Variants in PCDHA6 observed in about 807,000 individuals in gnomAD.
PCDHA6 encodes protocadherin alpha-6.
PCDHA6 carries 55 observed loss-of-function variants against 60.3 expected under a neutral mutation model. The ratio of observed to expected loss-of-function variants is 0.91; its 90% CI spans 0.73 to 1.14. The LOEUF is 1.14. PCDHA6 is among the 50% of genes most tolerant of loss of function. The pLI, the probability that PCDHA6 is intolerant of heterozygous loss-of-function variation, is 0.00. For synonymous variants in PCDHA6, 652 were observed against 557.9 expected, an observed-to-expected ratio of 1.17 and a Z score of -2.38; for missense variants, 1,327 against 1,256.5, an observed-to-expected ratio of 1.06 and a Z score of -0.85.
chr5:140,875,452 C>CA, intron 1 of PCDHA6: 1 of 1,592,570 alleles, frequency 6.3e-7, no homozygotes, highest in Non-Finnish European at 8.6e-7. Context: ...TGTCCCAACT[C>CA]AGAGGCCCTC....
chr5:140,840,692 G>C lies in PCDHA6; in HGVS notation c.2394+10207G>C, dbSNP rs181650579. 2.7e-4 allele frequency among the ~76,000 whole-genome samples: 41 copies of C among 152,042 alleles called. No homozygotes were observed. The East Asian group carries it at 2.9e-3, about 11-fold the overall frequency. On this transcript the variant is annotated intron_variant, in intron 1 of 3. Transcript: ENST00000529310. ...TTTTTATTACTTTAGTAAATAAAAC[G>C]GTTCAGGCAATTTGACATTTATTGA...
At chr5:140,909,951 G>A (rs560555991) in intron 1 of PCDHA6, among the ~76,000 whole-genome samples, 401 of 152,302 alleles carry the variant, frequency 2.6e-3, no homozygotes, top group African/African-American at 8.3e-3. Context: ...GTAAAAAGCC[G>A]TAGGTCTCCA....
chr5:140,870,955 C>T, intron 1 of PCDHA6: 1 of 1,613,632 alleles, frequency 6.2e-7, no homozygotes, highest in Non-Finnish European at 8.5e-7. Context: ...GGGCGGCTCG[C>T]GCATCCCGTT....
rs2150240828 is a variant in PCDHA6 at position 140,835,651 on chromosome 5, T to C, written c.2394+5166T>C. The C allele has an allele frequency of 5.0e-6, 8 of 1,613,900 alleles. No individual in the cohort carries two copies. The Admixed American group carries it at 6.7e-5, about 13-fold the overall frequency. On this transcript the variant is annotated intron_variant, in intron 1 of 3. Transcript: ENST00000529310. ...CGCGAGAGTGTGTCCGCCTATGAGC[T>C]GGTGGTTACCGCGCGGGACGGGGGC...
Position 140,927,102 on chromosome 5 carries a change from A to G in PCDHA6, c.2395-51847A>G, listed in dbSNP as rs144696843. 1.4e-5 allele frequency: 23 copies of G among 1,613,520 alleles called. No individual in the cohort carries two copies. In the African/African-American group the frequency reaches 1.7e-4, roughly 12 times the overall value. ...GCGAGCTCTACTTCGGGGTGGATCTACCCAGCGGCAATTTGGTGGTCAGAG... is the reference window on the plus strand; with the variant it reads ...GCGAGCTCTACTTCGGGGTGGATCTGCCCAGCGGCAATTTGGTGGTCAGAG... On this transcript the variant is annotated intron_variant, in intron 1 of 3. Transcript: ENST00000529310.
At chr5:140,883,971 C>G in intron 1 of PCDHA6, 1 of 1,613,030 alleles carries the variant, frequency 6.2e-7, no homozygotes. Context: ...CTGCTGACGC[C>G]CGGGGCTGGC....
At chr5:140,998,136 C>T (rs2153950850) in intron 3 of PCDHA6, among the ~76,000 whole-genome samples, 1 of 152,308 alleles carries the variant, frequency 6.6e-6, no homozygotes, top group South Asian at 2.1e-4. Context: ...TAATAGCTAA[C>T]CTGTACTGAA....
chr5:140,992,342 T>C (rs2097506091), intron 3 of PCDHA6, among the ~76,000 whole-genome samples: 1 of 152,102 alleles, frequency 6.6e-6, no homozygotes. Flanking sequence ...AAGATGGAAA[T>C]GTGGAGAGAG....
chr5:140,838,077 AGTGTGTGT>A (rs2150283763), intron 1 of PCDHA6, among the ~76,000 whole-genome samples: 8,999 of 80,104 alleles, frequency 0.11, 350 homozygotes, highest in Admixed American at 0.12. Context: ...ATATATATAT[AGTGTGTGT>A]GTGTGTGTGT....
At position 140,870,533 on chromosome 5, in the gene PCDHA6, C is replaced by A. The variant is rs1185177447; in HGVS notation, c.2394+40048C>A. The A allele has an allele frequency of 1.9e-6, 3 of 1,614,050 alleles. No individual in the cohort carries two copies. The African/African-American group carries it at 4.0e-5, about 22-fold the overall frequency. ...CCAGGCTGCCACATCTTCACAGTGTCGGCGCGGGACGCGGACGCGCAGGAG... is the reference window on the plus strand; with the variant it reads ...CCAGGCTGCCACATCTTCACAGTGTAGGCGCGGGACGCGGACGCGCAGGAG... On this transcript the variant is annotated intron_variant, in intron 1 of 3. Transcript: ENST00000529310.
At chr5:140,968,673 A>G in intron 1 of PCDHA6, 2 of 1,614,168 alleles carry the variant, frequency 1.2e-6, no homozygotes, top group Non-Finnish European at 1.7e-6. Context: ...TTTAAGGTAG[A>G]GCTGCACACA....
chr5:140,836,613 G>T (rs2150265622), intron 1 of PCDHA6: 1 of 1,613,634 alleles, frequency 6.2e-7, no homozygotes, highest in Non-Finnish European at 8.5e-7. Flanking sequence ...GTGCTCCAGC[G>T]CGGTGGGGAG....
chr5:140,845,180 T>C (rs1554140853), intron 1 of PCDHA6, among the ~76,000 whole-genome samples: 1 of 149,340 alleles, frequency 6.7e-6, no homozygotes, highest in Admixed American at 6.7e-5. Context: ...TTTTAGTCCT[T>C]TAAAAAATAT....
intron 1 of PCDHA6, chr5:140,849,906 G>A: frequency 6.3e-7 from 1 of 1,598,336 alleles, no homozygotes; most frequent in Non-Finnish European, 8.6e-7. Flanking sequence ...CAACCCGCCG[G>A]GCTGCCACAT....
At chr5:140,898,100 G>C (rs1273803096) in intron 1 of PCDHA6, among the ~76,000 whole-genome samples, 2 of 152,132 alleles carry the variant, frequency 1.3e-5, no homozygotes, top group African/African-American at 4.8e-5. Flanking sequence ...CCCTTTGTCA[G>C]ATGAGTAGGT....
chr5:140,891,591 A>T (rs782194139), intron 1 of PCDHA6, among the ~76,000 whole-genome samples: 1 of 152,092 alleles, frequency 6.6e-6, no homozygotes, highest in Non-Finnish European at 1.5e-5. Flanking sequence ...TTATTACTCT[A>T]TCCCATCTAT....
chr5:140,841,307 A>G lies in PCDHA6; in HGVS notation c.2394+10822A>G. ...TATTAAGATAATATTTTCTGATAGGAAACGACTATTTAACATGGATTATCA... is the reference window on the plus strand; with the variant it reads ...TATTAAGATAATATTTTCTGATAGGGAACGACTATTTAACATGGATTATCA... On this transcript the variant is annotated intron_variant, in intron 1 of 3. Coordinates refer to ENST00000529310, the MANE Select transcript of PCDHA6 (RefSeq NM_018909.4). 3 of 1,579,516 alleles carry G rather than the reference A, an allele frequency of 1.9e-6. No individual in the cohort carries two copies. In the African/African-American group the frequency reaches 4.1e-5, roughly 22 times the overall value.
chr5:140,978,061 A>G (rs1307101965), intron 1 of PCDHA6, among the ~76,000 whole-genome samples: 1 of 152,202 alleles, frequency 6.6e-6, no homozygotes, highest in Non-Finnish European at 1.5e-5. Flanking sequence ...ATGATGTCCC[A>G]GTGATTTCTG....
chr5:140,968,652 A>G, intron 1 of PCDHA6: 1 of 1,614,118 alleles, frequency 6.2e-7, no homozygotes, highest in Non-Finnish European at 8.5e-7. Context: ...CAGACTTCTG[A>G]CCTGGACCTC....
Sources: allele counts gnomAD v4.1 joint callset (sites outside exome capture counted in the v4.1 genomes callset), GRCh38; gene constraint gnomAD v4.1.1; transcripts MANE v1.5; gene names NCBI Gene and HGNC (gene_info 2026-07-23, HGNC 2026-07-21).